The following NTN1 variants were observed in gnomAD, a reference collection of about 807,000 sequenced individuals.
The protein encoded by NTN1 is netrin 1.
NTN1 carries 11 observed loss-of-function variants against 54.2 expected under a neutral mutation model. The ratio of observed to expected loss-of-function variants is 0.20; its 90% CI spans 0.13 to 0.34. The LOEUF (loss-of-function observed/expected upper bound fraction) is 0.34. NTN1 is among the 10% of genes least tolerant of loss of function. NTN1 has a pLI of 1.00. For synonymous variants in NTN1, 371 were observed against 382.0 expected (o/e 0.97, Z 0.33); for missense variants, 740 against 893.1 (o/e 0.83, Z 2.18).
chr17:9,029,609 T>C (rs901613687), intron 2 of NTN1, among the ~76,000 whole-genome samples: 2 of 152,268 alleles, frequency 1.3e-5, no homozygotes, highest in African/African-American at 4.8e-5. Context: ...GTAGCACAAC[T>C]TAGTGAGCTC....
chr17:9,060,596 ATTGGGCTTCAGGAGGTGTG>A (rs1383982870), intron 2 of NTN1, among the ~76,000 whole-genome samples: 1 of 152,170 alleles, frequency 6.6e-6, no homozygotes, highest in Non-Finnish European at 1.5e-5. Context: ...TGGTTTTAAC[ATTGGGCTTCAGGAGGTGTG>A]TAGCAAACAG....
intron 5 of NTN1, among the ~76,000 whole-genome samples, chr17:9,206,703 C>T (rs1257165430): frequency 6.6e-6 from 1 of 152,224 alleles, no homozygotes; most frequent in Non-Finnish European, 1.5e-5. Context: ...GAGAGCTGCC[C>T]TCAGAATCCA....
intron 5 of NTN1, among the ~76,000 whole-genome samples, chr17:9,193,712 C>T (rs143018750): frequency 0.016 from 2,384 of 151,470 alleles, 64 homozygotes; most frequent in African/African-American, 0.054. Flanking sequence ...CACCTGAGGT[C>T]GGGAGTTTGA....
At position 9,022,318 on chromosome 17, in the gene NTN1, C is replaced by G; in HGVS notation, c.-56C>G. 1 of 1,263,138 alleles carries G rather than the reference C, an allele frequency of 7.9e-7. No individual in the cohort carries two copies. Among genetic ancestry groups the G allele is most frequent in the Non-Finnish European group, 9.9e-7 (1 of 1,009,126 alleles). The allele number at this position is 1,263,138 out of a possible 1,614,324, so 78.2% of individuals were successfully genotyped here. On this transcript the variant is annotated 5_prime_UTR_variant, in exon 2 of 7. Transcript: ENST00000173229. ...GCTCCCTTCTCTCCGCAGGCGCCTT[C>G]TGCGGCAGGCGGACAGATCCTCGGC...
intron 2 of NTN1, among the ~76,000 whole-genome samples, chr17:9,091,456 T>TA (rs1447329418): frequency 6.8e-6 from 1 of 147,484 alleles, no homozygotes; most frequent in Non-Finnish European, 1.5e-5. Flanking sequence ...CCCCCCGCCT[T>TA]TTTTTTTTTT....
At chr17:9,117,768 AACC>A (rs1440151066) in intron 2 of NTN1, among the ~76,000 whole-genome samples, 5 of 96,530 alleles carry the variant, frequency 5.2e-5, no homozygotes, top group African/African-American at 2.7e-4. Flanking sequence ...CAAACAAAAA[AACC>A]AAAAAAAAAA....
chr17:9,078,158 G>A (rs2092058161), intron 2 of NTN1, among the ~76,000 whole-genome samples: 1 of 152,206 alleles, frequency 6.6e-6, no homozygotes, highest in Admixed American at 6.5e-5. Flanking sequence ...TTGGTGATGG[G>A]AGAGTGGTGA....
In NTN1 at chr17:9,153,878, T is replaced by C. The variant is rs76366497; in HGVS notation, c.1019-8935T>C. ...CCTGGCTCTCATGCCCTGCGTGGAC[T>C]GACTCTACCTGTTGACTCTTTTCTT... On this transcript the variant is annotated intron_variant, in intron 2 of 6. Transcript: ENST00000173229. 2.5e-3 allele frequency among the ~76,000 whole-genome samples: 386 copies of C among 152,368 alleles called. 2 individuals carry two copies. The highest frequency in any genetic ancestry group is 8.7e-3 in the African/African-American group (363 of 41,590).
intron 2 of NTN1, among the ~76,000 whole-genome samples, chr17:9,028,955 G>A (rs1017976785): frequency 2.0e-5 from 3 of 151,950 alleles, no homozygotes; most frequent in Admixed American, 6.6e-5. Context: ...CATCCTTTCA[G>A]AAGGTGTTAA....
intron 3 of NTN1, among the ~76,000 whole-genome samples, chr17:9,164,450 TG>T (rs1270143959): frequency 6.7e-6 from 1 of 149,276 alleles, no homozygotes; most frequent in African/African-American, 2.5e-5. Context: ...AAGAACATCT[TG>T]GGGGAAAAAA....
In NTN1 at chr17:9,047,757, C is replaced by T. The variant is rs536593967; in HGVS notation, c.1018+24366C>T. Reference sequence around the variant, plus strand: ...TTGCCCAGACTGGAGTGCAATGGCGCGATCTCGGCTCACTGCATCCTCTGC... The same window carrying T: ...TTGCCCAGACTGGAGTGCAATGGCGTGATCTCGGCTCACTGCATCCTCTGC... On this transcript the variant is annotated intron_variant, in intron 2 of 6. Coordinates refer to ENST00000173229, the MANE Select transcript of NTN1 (RefSeq NM_004822.3). 9.6e-4 allele frequency among the ~76,000 whole-genome samples: 146 copies of T among 151,428 alleles called. No individual in the cohort carries two copies. In the South Asian group the frequency reaches 0.012, roughly 12 times the overall value.
At chr17:9,055,258 C>T (rs967099143) in intron 2 of NTN1, among the ~76,000 whole-genome samples, 1 of 152,192 alleles carries the variant, frequency 6.6e-6, no homozygotes, top group Non-Finnish European at 1.5e-5. Context: ...TTCACTCACT[C>T]AAACAACAAC....
rs760825502 is a variant in NTN1, at chr17:9,135,076, G to A, written c.1019-27737G>A. 5.3e-5 allele frequency among the ~76,000 whole-genome samples: 8 copies of A among 152,038 alleles called. No homozygotes were observed. Among genetic ancestry groups the A allele is most frequent in the Admixed American group, 1.3e-4 (2 of 15,262 alleles). On this transcript the variant is annotated intron_variant, in intron 2 of 6. Coordinates refer to ENST00000173229, the MANE Select transcript of NTN1 (RefSeq NM_004822.3). This position sits in a 1 kb window ranked among gnomAD's most constrained non-coding sequence, Gnocchi z 4.4. ...TTCTCCGAGTGCTGTACCTGGACAC[G>A]GGTGTCCCCATCCACACCGAGGGCC... is the stretch of plus-strand genomic sequence containing the variant.
Position 9,022,587 on chromosome 17 carries a change from C to G in NTN1, c.214C>G (p.Arg72Gly). 5 of 1,545,358 alleles carry G rather than the reference C, an allele frequency of 3.2e-6. No homozygotes were observed. The South Asian group carries it at 4.8e-5, about 15-fold the overall frequency. ...CGTGCGCGTGTCCAGCACCTGCGGC[C>G]GGCCCCCGGCGCGCTACTGCGTGGT... ...KDVRVSSTCG[R>G]PPARYCVVSE... Residue 72 changes from arginine to glycine, a missense_variant, in exon 2 of 7, where the codon CGG becomes GGG. Physicochemically the swap from Arg to Gly is moderately radical, Grantham distance 125. Coordinates refer to ENST00000173229, the MANE Select transcript of NTN1 (RefSeq NM_004822.3).
chr17:9,210,227 G>A (rs1198508085), intron 5 of NTN1, among the ~76,000 whole-genome samples: 1 of 151,946 alleles, frequency 6.6e-6, no homozygotes, highest in Non-Finnish European at 1.5e-5. Context: ...CCTCCTGCTT[G>A]GAACCCTCTT....
chr17:9,242,228 G>C lies in NTN1; in HGVS notation c.*2260G>C, dbSNP rs1038114718. The stretch of plus-strand genomic sequence containing the variant: ...GACTCCAGGAGAGACTGGCAGAGGT[G>C]CCTCAGGGGCAGGGAGCAGACAGAC... On this transcript the variant is annotated 3_prime_UTR_variant, in exon 7 of 7. Transcript: ENST00000173229. 2 of 152,382 alleles carry C rather than the reference G, an allele frequency of 1.3e-5. No individual in the cohort carries two copies. The highest frequency in any genetic ancestry group is 2.9e-5 in the Non-Finnish European group (2 of 68,174). The allele number at this position is 152,382 out of a possible 1,614,324, so 9.4% of individuals were successfully genotyped here. A position where few individuals can be genotyped will look rare whatever the true frequency, so the allele number is the denominator to read the frequency against.
intron 6 of NTN1, among the ~76,000 whole-genome samples, chr17:9,228,481 G>A (rs1395237654): frequency 3.3e-5 from 5 of 152,100 alleles, no homozygotes; most frequent in Non-Finnish European, 5.9e-5. Context: ...TCCCATCCAC[G>A]CCCCGATCCC....
upstream of NTN1, among the ~76,000 whole-genome samples, chr17:9,021,143 C>T (rs1049839715): frequency 2.0e-5 from 3 of 152,178 alleles, no homozygotes; most frequent in Admixed American, 2.0e-4. Context: ...AAAGTGGCCC[C>T]CTTCCCCCGC....
chr17:9,229,584 G>A (rs930690774), intron 6 of NTN1, among the ~76,000 whole-genome samples: 10 of 152,130 alleles, frequency 6.6e-5, no homozygotes, highest in Admixed American at 2.6e-4. Flanking sequence ...GGACCCCATC[G>A]GGGCCACTGA....
Sources: gnomAD v4.1 joint callset for allele counts (sites outside exome capture counted in the v4.1 genomes callset) on GRCh38, gnomAD v4.1.1 for gene constraint, Gnocchi (gnomAD v3.1) non-coding constraint, MANE v1.5 for transcripts, NCBI Gene and HGNC (gene_info 2026-07-23, HGNC 2026-07-21) for gene names.